The following ZNF469 variants were observed in gnomAD, a reference collection of about 807,000 sequenced individuals.
ZNF469 encodes the protein zinc finger protein 469.
A neutral mutation model predicts 1.0 loss-of-function variants in ZNF469; 1 was observed. That is an observed-to-expected ratio of 1.00 (90% CI 0.35 to 4.73). The LOEUF (loss-of-function observed/expected upper bound fraction) is 4.73. ZNF469 is among the 30% of genes most tolerant of loss of function. ZNF469 has a pLI of 0.16. For missense variants in ZNF469, 6,100 were observed against 5,356.3 expected (o/e 1.14, Z -4.33); for synonymous variants, 2,703 against 2,363.4 (o/e 1.14, Z -4.17).
At chr16:88,360,836 C>T in the ZNF469 span, among the ~76,000 whole-genome samples, 2 of 152,148 alleles carry the variant, frequency 1.3e-5, no homozygotes, top group East Asian at 1.9e-4. Context: ...CACCCCTGCC[C>T]GACACCCCCT....
At chr16:88,361,371 T>C in the ZNF469 span, among the ~76,000 whole-genome samples, 2 of 152,254 alleles carry the variant, frequency 1.3e-5, no homozygotes, top group Non-Finnish European at 2.9e-5. Flanking sequence ...AAGCACACAC[T>C]GTATGATTCT....
At position 88,432,480 on chromosome 16, in the gene ZNF469, C is replaced by A. The variant is rs766852564; in HGVS notation, c.5010C>A (p.Ala1670=). 10 of 1,550,268 alleles carry A rather than the reference C, an allele frequency of 6.5e-6. No individual in the cohort carries two copies. Among genetic ancestry groups the A allele is most frequent in the African/African-American group, 1.4e-5 (1 of 73,062 alleles). ...CCTCCTTCCATCCGGGACATGCAGC[C>A]CTTCTCCCCTGTGCCCAGGAAGACC... ...CPASFHPGHA[A]LLPCAQEDLV... Residue 1670 remains alanine, a synonymous_variant, in exon 3 of 3, where the codon GCC becomes GCA. Coordinates refer to ENST00000565624, the MANE Select transcript of ZNF469 (RefSeq NM_001367624.2).
the ZNF469 span, among the ~76,000 whole-genome samples, chr16:88,212,870 C>A: frequency 6.6e-6 from 1 of 152,206 alleles, no homozygotes; most frequent in Non-Finnish European, 1.5e-5. Context: ...AGGTGTGAGC[C>A]ACTGCTCCCT....
At chr16:88,334,858 G>A in the ZNF469 span, among the ~76,000 whole-genome samples, 11 of 150,368 alleles carry the variant, frequency 7.3e-5, no homozygotes, top group Non-Finnish European at 1.6e-4. Flanking sequence ...TGACAGAGAC[G>A]GACGTGGGAG....
At chr16:88,307,039 A>G in the ZNF469 span, among the ~76,000 whole-genome samples, 4 of 152,164 alleles carry the variant, frequency 2.6e-5, no homozygotes, top group African/African-American at 9.7e-5. Context: ...GCAACCGCCA[A>G]TCCACTTCCT....
chr16:88,326,404 T>C, the ZNF469 span, among the ~76,000 whole-genome samples: 1 of 152,216 alleles, frequency 6.6e-6, no homozygotes, highest in Non-Finnish European at 1.5e-5. Context: ...TAAACCTCTT[T>C]CTTTTGTAAG....
chr16:88,121,114 G>T, the ZNF469 span, among the ~76,000 whole-genome samples: 1 of 148,960 alleles, frequency 6.7e-6, no homozygotes, highest in African/African-American at 2.5e-5. Flanking sequence ...ACGGTGGGAT[G>T]GGGGGTCGGG....
At chr16:88,211,296 G>C in the ZNF469 span, among the ~76,000 whole-genome samples, 477 of 152,318 alleles carry the variant, frequency 3.1e-3, 2 homozygotes, top group African/African-American at 0.01. Context: ...AGAATCACTA[G>C]AAGACAGAGG....
upstream of ZNF469, among the ~76,000 whole-genome samples, chr16:88,381,261 C>G (rs781421032): frequency 6.6e-6 from 1 of 150,664 alleles, no homozygotes; most frequent in African/African-American, 2.4e-5. Context: ...CTCACACGCA[C>G]TCACACAGAC....
In ZNF469 at chr16:88,427,454, G is replaced by A. The variant is rs1055270645; in HGVS notation, c.-17G>A. The A allele has an allele frequency of 1.3e-5, 19 of 1,484,120 alleles. No homozygotes were observed. The highest frequency in any genetic ancestry group is 1.3e-4 in the African/African-American group (9 of 71,602). The allele number at this position is 1,484,120 out of a possible 1,614,324, so 91.9% of individuals were successfully genotyped here. On this transcript the variant is annotated 5_prime_UTR_variant, in exon 3 of 3. Transcript: ENST00000565624. ...CCTCGGACAGCTGCGTCGTCCTAGC[G>A]CCAGGACGGAGGGGCCATGCCTGGG...
chr16:88,123,458 C>G, the ZNF469 span, among the ~76,000 whole-genome samples: 32 of 152,112 alleles, frequency 2.1e-4, 2 homozygotes, highest in South Asian at 5.6e-3. Flanking sequence ...GAATAAACTG[C>G]CGTGGATGAA....
At chr16:88,200,532 G>C in the ZNF469 span, among the ~76,000 whole-genome samples, 1 of 152,238 alleles carries the variant, frequency 6.6e-6, no homozygotes, top group Admixed American at 6.5e-5. Flanking sequence ...CTTCCCCGGA[G>C]GCCGGTCTGC....
chr16:88,416,402 C>T (rs1905301779), intron 1 of ZNF469, among the ~76,000 whole-genome samples: 1 of 152,170 alleles, frequency 6.6e-6, no homozygotes, highest in African/African-American at 2.4e-5. Context: ...GGCTTCCCCA[C>T]GCTGGAAGAC....
chr16:88,399,028 C>T (rs1265066521), intron 1 of ZNF469, among the ~76,000 whole-genome samples: 2 of 152,230 alleles, frequency 1.3e-5, no homozygotes, highest in African/African-American at 4.8e-5. Flanking sequence ...TCAGCTGCCA[C>T]GTAACAAGCA....
At position 88,428,579 on chromosome 16, in the gene ZNF469, A is replaced by C; in HGVS notation, c.1109A>C (p.Asp370Ala). 1 of 1,550,216 alleles carries C rather than the reference A, an allele frequency of 6.5e-7. No homozygotes were observed. Among genetic ancestry groups the C allele is most frequent in the Non-Finnish European group, 8.7e-7 (1 of 1,146,886 alleles). Reference sequence around the variant, plus strand: ...CACTCGGCCCCGAGACCCTTCTCTGACAGTTTACACAAGAGCCTGACCAAA... The same window carrying C: ...CACTCGGCCCCGAGACCCTTCTCTGCCAGTTTACACAAGAGCCTGACCAAA... Reference protein sequence around the residue: ...AAHSAPRPFSDSLHKSLTKIL... With the variant: ...AAHSAPRPFSASLHKSLTKIL... The change falls in exon 3 of 3, where the codon GAC (aspartate) becomes GCC (alanine). Residue 370 changes from aspartate (D) to alanine (A), a missense_variant. Physicochemically the swap from Asp to Ala is moderately radical, Grantham distance 126 (BLOSUM62 -2). Transcript: ENST00000565624.
the ZNF469 span, among the ~76,000 whole-genome samples, chr16:88,147,607 G>A: frequency 2.6e-5 from 4 of 152,104 alleles, no homozygotes; most frequent in Admixed American, 6.5e-5. Context: ...GGACCTCCAG[G>A]CCAGTGAGCA....
chr16:88,141,539 T>C, the ZNF469 span, among the ~76,000 whole-genome samples: 1 of 80,244 alleles, frequency 1.2e-5, no homozygotes, highest in African/African-American at 5.5e-5. Context: ...TATGAAACGC[T>C]CAGCCTGGGA....
chr16:88,262,208 C>T, the ZNF469 span, among the ~76,000 whole-genome samples: 2 of 152,210 alleles, frequency 1.3e-5, no homozygotes, highest in African/African-American at 4.8e-5. This position sits in a 1 kb window ranked among gnomAD's most constrained non-coding sequence, Gnocchi z 4.3. Flanking sequence ...AGGCCTTTTC[C>T]ATCCCGGTGG....
the ZNF469 span, among the ~76,000 whole-genome samples, chr16:88,259,076 G>T: frequency 6.6e-6 from 1 of 152,254 alleles, no homozygotes; most frequent in East Asian, 1.9e-4. The surrounding 1 kb of genome is among the most constrained non-coding windows in gnomAD (Gnocchi z 4.1). Flanking sequence ...AAGGACCAGA[G>T]AATGGTATGT....
Sources: gnomAD v4.1 joint callset for allele counts (sites outside exome capture counted in the v4.1 genomes callset) on GRCh38, gnomAD v4.1.1 for gene constraint, Gnocchi (gnomAD v3.1) non-coding constraint, MANE v1.5 for transcripts, NCBI Gene and HGNC (gene_info 2026-07-23, HGNC 2026-07-21) for gene names.